DMC1: variants seen among roughly 807,000 people sequenced by gnomAD.
DMC1 encodes DNA meiotic recombinase 1.
Under a neutral mutation model 50.1 loss-of-function variants are expected in DMC1, and 27 were observed. The ratio of observed to expected loss-of-function variants is 0.54; its 90% CI spans 0.40 to 0.74. The LOEUF (loss-of-function observed/expected upper bound fraction) is 0.74. Ranked by LOEUF, DMC1 falls within the 30% of genes least tolerant of loss-of-function variation. The pLI, the probability that DMC1 is intolerant of heterozygous loss-of-function variation, is 0.00. For missense variants in DMC1, 295 were observed against 420.2 expected (o/e 0.70, Z 2.60); for synonymous variants, 148 against 136.1 (o/e 1.09, Z -0.61).
At chr22:38,510,842 T>TGACTTCTG in the DMC1 span, among the ~76,000 whole-genome samples, 1 of 152,218 alleles carries the variant, frequency 6.6e-6, no homozygotes, top group Non-Finnish European at 1.5e-5. Context: ...TGGAGCTGGT[T>TGACTTCTG]GACTTCTGGA....
chr22:38,540,616 T>C (rs1422549261), intron 8 of DMC1, among the ~76,000 whole-genome samples: 1 of 152,224 alleles, frequency 6.6e-6, no homozygotes, highest in Non-Finnish European at 1.5e-5. Context: ...AAGGACCATT[T>C]ATAATCTTAT....
chr22:38,568,085 G>T, intron 2 of DMC1, 121 bp downstream of exon 2: 1 of 857,090 alleles, frequency 1.2e-6, no homozygotes, highest in Non-Finnish European at 1.9e-6. Context: ...TTACATATTT[G>T]CAATATATAA....
intron 13 of DMC1, among the ~76,000 whole-genome samples, chr22:38,521,120 G>T (rs2090020125): frequency 6.6e-6 from 1 of 152,152 alleles, no homozygotes; most frequent in African/African-American, 2.4e-5. Context: ...GACTGTAAGG[G>T]TTAGGGAAAG....
chr22:38,533,277 C>T (rs2090173571), intron 12 of DMC1, among the ~76,000 whole-genome samples: 1 of 151,406 alleles, frequency 6.6e-6, no homozygotes, highest in Non-Finnish European at 1.5e-5. Context: ...CGCCTATAGT[C>T]CCAAGCTACT....
intron 12 of DMC1, among the ~76,000 whole-genome samples, chr22:38,534,250 A>G (rs2090186246): frequency 6.6e-6 from 1 of 152,354 alleles, no homozygotes; most frequent in Non-Finnish European, 1.5e-5. Context: ...TATTATGCCA[A>G]TGTTAGAATT....
At chr22:38,555,530 A>C in intron 5 of DMC1, 121 bp from the exon 6 acceptor site, 1 of 674,798 alleles carries the variant, frequency 1.5e-6, no homozygotes, top group Non-Finnish European at 2.7e-6. Context: ...TCTATCATCT[A>C]CCTATCTATC....
intron 9 of DMC1, 90 bp from the exon 10 acceptor site, chr22:38,538,702 A>G: frequency 8.7e-7 from 1 of 1,153,046 alleles, no homozygotes; most frequent in Non-Finnish European, 1.3e-6. Flanking sequence ...GGCAAAATAA[A>G]TTCCTTGAAG....
downstream of DMC1, among the ~76,000 whole-genome samples, chr22:38,514,945 CTTTTTTTTT>C (rs1225224373): frequency 5.7e-5 from 7 of 121,976 alleles, no homozygotes; most frequent in Admixed American, 8.1e-5. Context: ...TTTTTTTATT[CTTTTTTTTT>C]TTTTTTTTTT....
chr22:38,549,541 T>A (rs1280669974), intron 8 of DMC1: 1 of 182,298 alleles, frequency 5.5e-6, no homozygotes, highest in African/African-American at 2.4e-5. Flanking sequence ...GGAGAATTGA[T>A]TGAACCCAAG....
chr22:38,567,438 G>A (rs2090591282), intron 3 of DMC1, 145 bp downstream of exon 3: 5 of 729,102 alleles, frequency 6.9e-6, no homozygotes, highest in Non-Finnish European at 7.6e-6. Flanking sequence ...CAGTGAGTGA[G>A]TAGAGGCCAA....
chr22:38,527,128 C>A (rs1056125365), intron 12 of DMC1, among the ~76,000 whole-genome samples: 1 of 152,164 alleles, frequency 6.6e-6, no homozygotes, highest in African/African-American at 2.4e-5. Context: ...TGGAGTTAGA[C>A]CTGAGTTCAA....
intron 8 of DMC1, chr22:38,545,795 A>T (rs1237785053): frequency 3.3e-5 from 5 of 152,160 alleles, no homozygotes; most frequent in Non-Finnish European, 5.9e-5. Context: ...TTTATTAACC[A>T]ATTACCATAT....
At chr22:38,551,390 A>G in intron 7 of DMC1, among the ~76,000 whole-genome samples, 1 of 151,762 alleles carries the variant, frequency 6.6e-6, no homozygotes, top group East Asian at 1.9e-4. Flanking sequence ...GTACAGTGGC[A>G]CGATCTCGGC....
chr22:38,533,964 C>T (rs538464629), intron 12 of DMC1, among the ~76,000 whole-genome samples: 1 of 152,230 alleles, frequency 6.6e-6, no homozygotes, highest in South Asian at 2.1e-4. Flanking sequence ...AAATGCTTAA[C>T]ATTTTAAGTA....
chr22:38,524,865 C>T (rs1347090207), intron 12 of DMC1, among the ~76,000 whole-genome samples: 3 of 152,114 alleles, frequency 2.0e-5, no homozygotes, highest in Non-Finnish European at 4.4e-5. Flanking sequence ...GGTTCAAGAT[C>T]AGCCTGACCA....
downstream of DMC1, among the ~76,000 whole-genome samples, chr22:38,518,130 G>A (rs111462927): frequency 2.0e-5 from 3 of 152,090 alleles, no homozygotes; most frequent in East Asian, 1.9e-4. Context: ...GCGTCATCGC[G>A]CCCAGTTAAT....
At chr22:38,521,970 T>G (rs967207472) in intron 12 of DMC1, among the ~76,000 whole-genome samples, 1 of 151,804 alleles carries the variant, frequency 6.6e-6, no homozygotes, top group Non-Finnish European at 1.5e-5. Context: ...TTTTTTTTTT[T>G]GAGATGGAGT....
chr22:38,536,019 G>A (rs1337629391), intron 12 of DMC1, among the ~76,000 whole-genome samples: 2 of 147,448 alleles, frequency 1.4e-5, no homozygotes, highest in Admixed American at 6.8e-5. Flanking sequence ...CCAGGAGTTC[G>A]AGACCAGCCT....
At chr22:38,515,561 G>A (rs1014533989), downstream of DMC1, among the ~76,000 whole-genome samples, 6 of 151,932 alleles carry the variant, frequency 3.9e-5, no homozygotes, top group African/African-American at 1.5e-4. Context: ...CACTTTGGGA[G>A]GCTGAGGTGG....
Sources: allele counts gnomAD v4.1 joint callset (sites outside exome capture counted in the v4.1 genomes callset), GRCh38; gene constraint gnomAD v4.1.1; transcripts MANE v1.5; gene names NCBI Gene and HGNC (gene_info 2026-07-23, HGNC 2026-07-21).